The following DLD variants were observed in gnomAD, a reference collection of about 807,000 sequenced individuals.
The protein encoded by DLD is dihydrolipoamide dehydrogenase.
In DLD, 36 loss-of-function variants were observed where a neutral mutation model predicts 62.2. The ratio of observed to expected loss-of-function variants is 0.58; its 90% CI spans 0.44 to 0.76. DLD has a LOEUF of 0.76. Ranked by LOEUF, DLD falls within the 30% of genes least tolerant of loss-of-function variation. The pLI, the probability that DLD is intolerant of heterozygous loss-of-function variation, is 0.00. For missense variants in DLD, 541 were observed against 608.6 expected, an observed-to-expected ratio of 0.89 and a Z score of 1.17; for synonymous variants, 204 against 199.6, an observed-to-expected ratio of 1.02 and a Z score of -0.19.
At position 107,915,660 on chromosome 7, in the gene DLD, G is replaced by A. The variant is rs1196363939; in HGVS notation, c.839G>A (p.Gly280Asp). ...FKFKLNTKVT[G>D]ATKKSDGKID... ...TTTAAATTGAATACAAAGGTTACTG[G>A]TGCTACCAAGAAGTCAGATGGAAAA... The change falls in exon 9 of 14, where the codon GGT (glycine) becomes GAT (aspartate). Residue 280 changes from glycine (G) to aspartate (D), a missense_variant. Physicochemically the swap from Gly to Asp is moderately conservative, Grantham distance 94. Coordinates refer to ENST00000205402, the MANE Select transcript of DLD (RefSeq NM_000108.5). 1 of 1,613,694 alleles carries A rather than the reference G, an allele frequency of 6.2e-7. No homozygotes were observed. Among genetic ancestry groups the A allele is most frequent in the Admixed American group, 1.7e-5 (1 of 60,000 alleles).
At chr7:107,911,294 A>G (rs2032133056) in intron 8 of DLD, among the ~76,000 whole-genome samples, 1 of 152,158 alleles carries the variant, frequency 6.6e-6, no homozygotes, top group Non-Finnish European at 1.5e-5. Context: ...CTTATGGTTC[A>G]TCCAAGTTGT....
At position 107,893,241 on chromosome 7, in the gene DLD, T is replaced by TCGG; in HGVS notation, c.81_82insCGG (p.Leu27_Ser28insArg). The TCGG allele has an allele frequency of 2.5e-6, 4 of 1,613,616 alleles. No homozygotes were observed. Among genetic ancestry groups the TCGG allele is most frequent in the Non-Finnish European group, 3.4e-6 (4 of 1,179,780 alleles). On this transcript the variant is annotated inframe_insertion, in exon 2 of 14. Coordinates refer to ENST00000205402, the MANE Select transcript of DLD (RefSeq NM_000108.5). ...GAATATCTCATGGCCTACAGGGACT[T>TCGG]TCTGCAGTGCCTCTGAGAACTTACG...
intron 2 of DLD, among the ~76,000 whole-genome samples, chr7:107,895,954 G>A (rs1467858151): frequency 6.6e-6 from 1 of 152,188 alleles, no homozygotes; most frequent in Non-Finnish European, 1.5e-5. Flanking sequence ...AATGCCTGCT[G>A]TTAGTGTTTA....
rs554928763 is a variant in DLD, at chr7:107,901,592, A to G, written c.119-146A>G. On this transcript the variant is annotated intron_variant, in intron 2 of 13. Coordinates refer to ENST00000205402, the MANE Select transcript of DLD (RefSeq NM_000108.5). ...CATCAAAGAGCATCAAGTAGTAGTAATAAAATAGTGCAGAAACTATGTAGA... is the reference window on the plus strand; with the variant it reads ...CATCAAAGAGCATCAAGTAGTAGTAGTAAAATAGTGCAGAAACTATGTAGA... The G allele has an allele frequency of 1.3e-4, 89 of 686,534 alleles. No homozygotes were observed. In the African/African-American group the frequency reaches 1.4e-3, roughly 11 times the overall value. 42.5% of individuals were successfully genotyped at this position (686,534 alleles called of 1,614,324 possible).
At position 107,920,305 on chromosome 7, in the gene DLD, A is replaced by C. The variant is rs1331472731; in HGVS notation, c.*1046A>C. ...GGAAACTTAAGTAACAAAGTACTAA[A>C]TGCTAAGTAGGCTTTTGCATATTGT... On this transcript the variant is annotated 3_prime_UTR_variant, in exon 14 of 14. Coordinates refer to ENST00000205402, the MANE Select transcript of DLD (RefSeq NM_000108.5). 6.6e-6 allele frequency: 1 copy of C among 152,390 alleles called. No homozygotes were observed. The highest frequency in any genetic ancestry group is 1.5e-5 in the Non-Finnish European group (1 of 68,046). 9.4% of individuals were successfully genotyped at this position (152,390 alleles called of 1,614,324 possible).
intron 8 of DLD, among the ~76,000 whole-genome samples, chr7:107,908,517 A>T (rs1467211615): frequency 6.6e-6 from 1 of 151,818 alleles, no homozygotes; most frequent in Non-Finnish European, 1.5e-5. Context: ...AAATGTAAAA[A>T]ATTAGTTGGG....
intron 12 of DLD, among the ~76,000 whole-genome samples, chr7:107,918,739 T>C (rs1014760818): frequency 6.6e-6 from 1 of 152,230 alleles, no homozygotes; most frequent in African/African-American, 2.4e-5. Flanking sequence ...GGTGCTGTTA[T>C]TTTTGAGGTG....
Position 107,902,321 on chromosome 7 carries a change from G to A in DLD, c.199-4G>A, listed in dbSNP as rs763348101. The A allele has an allele frequency of 1.4e-5, 22 of 1,613,022 alleles. No individual in the cohort carries two copies. The highest frequency in any genetic ancestry group is 1.9e-5 in the Non-Finnish European group (22 of 1,179,168). ...CAGTTAAATAATGTTTTCTTTGGTT[G>A]TAGACAGTCTGCATTGAGAAAAATG... On this transcript the variant is annotated splice_polypyrimidine_tract_variant and splice_region_variant and intron_variant, in intron 3 of 13. Transcript: ENST00000205402.
intron 8 of DLD, among the ~76,000 whole-genome samples, chr7:107,914,943 A>C (rs1234482727): frequency 6.6e-6 from 1 of 152,170 alleles, no homozygotes; most frequent in Non-Finnish European, 1.5e-5. Context: ...AACATCAGTG[A>C]TTTAGTAACC....
intron 8 of DLD, among the ~76,000 whole-genome samples, chr7:107,907,021 T>C (rs2032024818): frequency 6.6e-6 from 1 of 152,230 alleles, no homozygotes; most frequent in South Asian, 2.1e-4. Context: ...TAGTGTACTT[T>C]GTACCCTTTT....
chr7:107,917,856 G>A, intron 11 of DLD, 68 bp from the exon 12 acceptor site: 1 of 1,593,328 alleles, frequency 6.3e-7, no homozygotes, highest in African/African-American at 1.3e-5. Flanking sequence ...ACAAATGGTA[G>A]ATGATTTTAC....
At chr7:107,912,329 T>G (rs1481958961) in intron 8 of DLD, among the ~76,000 whole-genome samples, 1 of 152,120 alleles carries the variant, frequency 6.6e-6, no homozygotes, top group Non-Finnish European at 1.5e-5. Flanking sequence ...ATTTCCTTTC[T>G]TTTGGATATA....
intron 1 of DLD, 113 bp from the exon 2 acceptor site, chr7:107,893,087 C>T: frequency 1.4e-6 from 1 of 704,238 alleles, no homozygotes; most frequent in Non-Finnish European, 2.4e-6. Context: ...AGAAGATACA[C>T]TAATAATCCT....
intron 13 of DLD, 26 bp downstream of exon 13, chr7:107,919,125 G>A: frequency 6.2e-7 from 1 of 1,612,004 alleles, no homozygotes; most frequent in Non-Finnish European, 8.5e-7. Flanking sequence ...ATATAGAATT[G>A]ATGGTTGCCT....
At chr7:107,916,032 T>C (rs2032260286) in intron 9 of DLD, among the ~76,000 whole-genome samples, 1 of 152,186 alleles carries the variant, frequency 6.6e-6, no homozygotes. Flanking sequence ...ATATGTCTGG[T>C]ACTCTACTGA....
intron 8 of DLD, among the ~76,000 whole-genome samples, chr7:107,912,528 G>T (rs1045470216): frequency 6.6e-6 from 1 of 152,024 alleles, no homozygotes; most frequent in Non-Finnish European, 1.5e-5. Flanking sequence ...ATTTTAACTG[G>T]GGTGAGATGA....
intron 12 of DLD, 64 bp downstream of exon 12, chr7:107,918,125 T>TA: frequency 1.3e-6 from 2 of 1,573,860 alleles, no homozygotes; most frequent in Non-Finnish European, 1.7e-6. Context: ...GTTTATTAAT[T>TA]ATAAACCACC....
At chr7:107,895,110 T>G (rs1349924571) in intron 2 of DLD, among the ~76,000 whole-genome samples, 3 of 152,220 alleles carry the variant, frequency 2.0e-5, no homozygotes, top group Non-Finnish European at 2.9e-5. Context: ...TATTAACTGA[T>G]GCATTGAGGG....
At chr7:107,915,886 AAG>A (rs2032257107) in intron 9 of DLD, among the ~76,000 whole-genome samples, 190 bp downstream of exon 9, 1 of 152,190 alleles carries the variant, frequency 6.6e-6, no homozygotes, top group Non-Finnish European at 1.5e-5. Context: ...TAATGCTAGA[AAG>A]AGAATCCAAT....
Sources: allele counts gnomAD v4.1 joint callset (sites outside exome capture counted in the v4.1 genomes callset), GRCh38; gene constraint gnomAD v4.1.1; transcripts MANE v1.5; gene names NCBI Gene and HGNC (gene_info 2026-07-23, HGNC 2026-07-21).